BTN2A1: variants seen among roughly 807,000 people sequenced by gnomAD.
BTN2A1 encodes butyrophilin, subfamily 2, member A1.
BTN2A1 carries 41 observed loss-of-function variants against 34.5 expected under a neutral mutation model. The observed-to-expected ratio is 1.19, with a 90% CI of 0.93 to 1.54. The LOEUF (loss-of-function observed/expected upper bound fraction) is 1.54, where lower values mean the gene tolerates loss of function less well. Among genes scored for constraint, BTN2A1 ranks in the 40% most tolerant of loss-of-function variants. The probability of loss-of-function intolerance (pLI) is 0.00; values close to 1 mark genes in which losing one functional copy is unlikely to be tolerated. For synonymous variants in BTN2A1, 267 were observed against 258.6 expected (o/e 1.03, Z -0.31); for missense variants, 642 against 662.0 (o/e 0.97, Z 0.33).
At chr6:26,471,210 G>A (rs966569585), downstream of BTN2A1, among the ~76,000 whole-genome samples, 3 of 152,218 alleles carry the variant, frequency 2.0e-5, no homozygotes, top group Admixed American at 6.5e-5. Flanking sequence ...GGTTGTTTAT[G>A]TGCATGTTTT....
exon 8 of BTN2A1, chr6:26,476,148 T>G: frequency 6.5e-7 from 1 of 1,536,446 alleles, no homozygotes; most frequent in Non-Finnish European, 8.7e-7. Flanking sequence ...TATATATCAT[T>G]TACCAAACTT....
chr6:26,462,029 A>AATT (rs10692365), intron 3 of BTN2A1, among the ~76,000 whole-genome samples: 9 of 150,894 alleles, frequency 6.0e-5, no homozygotes, highest in South Asian at 2.1e-4. Flanking sequence ...AAAAAAAAAA[A>AATT]TTTTTTTTTA....
At position 26,468,247 on chromosome 6, in the gene BTN2A1, A is replaced by G; in HGVS notation, c.1282A>G (p.Lys428Glu). ...TGGCTTCTGGACCTTGGAGATGCAT[A>G]AAGGGCAATACCGGGCCGTGTCCTC... ...QNGFWTLEMH[K>E]GQYRAVSSPD... Residue 428 changes from lysine to glutamate, a missense_variant, in exon 8 of 8, where the codon AAA (lysine) becomes GAA (glutamate). By Grantham distance (56) the Lys-to-Glu change is moderately conservative (BLOSUM62 1). Coordinates refer to ENST00000312541, the MANE Select transcript of BTN2A1 (RefSeq NM_007049.5). 6.2e-7 allele frequency: 1 copy of G among 1,614,158 alleles called. No homozygotes were observed. Among genetic ancestry groups the G allele is most frequent in the Non-Finnish European group, 8.5e-7 (1 of 1,180,020 alleles).
intron 7 of BTN2A1, among the ~76,000 whole-genome samples, chr6:26,475,948 G>C (rs1183531012): frequency 6.6e-6 from 1 of 152,056 alleles, no homozygotes; most frequent in Admixed American, 6.6e-5. Flanking sequence ...GGAGGGAGGA[G>C]TCTATTTTTC....
rs748711588 is a variant in BTN2A1, at chr6:26,468,168, G to T, written c.1203G>T (p.Gly401=). 2.5e-6 allele frequency: 4 copies of T among 1,614,184 alleles called. No individual in the cohort carries two copies. The highest frequency in any genetic ancestry group is 3.4e-6 in the Non-Finnish European group (4 of 1,180,032). ...EVENVIEWTV[G]VCRDSVERKG... ...AAAACGTGATTGAGTGGACTGTGGG[G>T]GTCTGTAGAGACAGTGTTGAGAGGA... is the stretch of plus-strand genomic sequence containing the variant. The change falls in exon 8 of 8, where the codon GGG becomes GGT. Residue 401 remains glycine, a synonymous_variant. Transcript: ENST00000312541.
downstream of BTN2A1, among the ~76,000 whole-genome samples, chr6:26,471,010 G>A (rs1474114211): frequency 6.6e-6 from 1 of 152,180 alleles, no homozygotes; most frequent in African/African-American, 2.4e-5. Flanking sequence ...AAACGATCAG[G>A]CATCTAAAAT....
chr6:26,463,337 T>A lies in BTN2A1; in HGVS notation c.524T>A (p.Leu175His). ...CISRGWYPKP[L>H]TVWRDPYGGV... is the part of the protein sequence containing the mutation. ...TCTAGAGGGTGGTACCCAAAGCCCC[T>A]CACAGTGTGGAGGGACCCCTACGGT... Residue 175 changes from leucine (L) to histidine (H), a missense_variant, in exon 4 of 8, where the codon CTC (leucine) becomes CAC (histidine). By Grantham distance (99) the Leu-to-His change is moderately conservative. Coordinates refer to ENST00000312541, the MANE Select transcript of BTN2A1 (RefSeq NM_007049.5). 1.2e-6 allele frequency: 2 copies of A among 1,613,874 alleles called. No homozygotes were observed. Among genetic ancestry groups the A allele is most frequent in the Non-Finnish European group, 1.7e-6 (2 of 1,179,938 alleles).
chr6:26,475,401 G>T lies in BTN2A1; in HGVS notation c.983-721G>T, dbSNP rs547671234. 1.1e-3 allele frequency among the ~76,000 whole-genome samples: 172 copies of T among 152,228 alleles called. 4 individuals carry two copies. The South Asian group carries it at 0.031, about 27-fold the overall frequency. On this transcript the variant is annotated intron_variant, in intron 7 of 7. Transcript: ENST00000469185. ...TGCCTTAATCACCTTAACAGCAAAG[G>T]CTGAATTATTGTAAACAAAAGGAGT...
At chr6:26,475,100 G>A (rs1304987957) in intron 7 of BTN2A1, among the ~76,000 whole-genome samples, 1 of 152,192 alleles carries the variant, frequency 6.6e-6, no homozygotes, top group African/African-American at 2.4e-5. Context: ...TCCTGGTTAT[G>A]TTTAGGAACA....
intron 3 of BTN2A1, among the ~76,000 whole-genome samples, chr6:26,460,114 T>A (rs1379320019): frequency 6.6e-6 from 1 of 151,994 alleles, no homozygotes; most frequent in African/African-American, 2.4e-5. Context: ...AGAAGTCTTA[T>A]ACCTGCCTTA....
chr6:26,468,266 T>A lies in BTN2A1; in HGVS notation c.1301T>A (p.Val434Glu). ...ATGCATAAAGGGCAATACCGGGCCG[T>A]GTCCTCCCCTGATAGGATTCTCCCT... ...LEMHKGQYRA[V>E]SSPDRILPLK... is the part of the protein sequence containing the mutation. The change falls in exon 8 of 8, where the codon GTG becomes GAG. Residue 434 changes from valine (V) to glutamate (E), a missense_variant. Transcript: ENST00000312541. The A allele has an allele frequency of 6.2e-7, 1 of 1,614,224 alleles. No homozygotes were observed. The highest frequency in any genetic ancestry group is 8.5e-7 in the Non-Finnish European group (1 of 1,180,038).
At position 26,459,914 on chromosome 6, in the gene BTN2A1, C is replaced by G. The variant is rs1763117632; in HGVS notation, c.430+86C>G. On this transcript the variant is annotated intron_variant, in intron 3 of 7. Transcript: ENST00000312541. ...TCCTAACCTCAGGCCCATTGCAGACCAGCAAATTTTTGTCTGGACTCCCTT... is the reference window on the plus strand; with the variant it reads ...TCCTAACCTCAGGCCCATTGCAGACGAGCAAATTTTTGTCTGGACTCCCTT... 9 of 1,396,988 alleles carry G rather than the reference C, an allele frequency of 6.4e-6. No individual in the cohort carries two copies. The South Asian group carries it at 1.3e-4, about 20-fold the overall frequency. 86.5% of individuals were successfully genotyped at this position (1,396,988 alleles called of 1,614,324 possible).
At position 26,459,517 on chromosome 6, in the gene BTN2A1, T is replaced by C; in HGVS notation, c.119T>C (p.Leu40Ser). ...GTCGTGGGGCCCACTGATCCCATCT[T>C]GGCCACGGTTGGAGAAAACACTACG... ...FIVVGPTDPI[L>S]ATVGENTTLR... The change falls in exon 3 of 8, where the codon TTG becomes TCG. Residue 40 changes from leucine (L) to serine (S), a missense_variant. Physicochemically the swap from Leu to Ser is moderately radical, Grantham distance 145. Coordinates refer to ENST00000312541, the MANE Select transcript of BTN2A1 (RefSeq NM_007049.5). The C allele has an allele frequency of 6.2e-7, 1 of 1,613,986 alleles. No homozygotes were observed. The highest frequency in any genetic ancestry group is 8.5e-7 in the Non-Finnish European group (1 of 1,179,880).
chr6:26,472,641 C>G (rs1306705267), downstream of BTN2A1, among the ~76,000 whole-genome samples: 1 of 152,136 alleles, frequency 6.6e-6, no homozygotes, highest in Non-Finnish European at 1.5e-5. Flanking sequence ...AGCAACACCC[C>G]ACCCAAGCCT....
At position 26,462,971 on chromosome 6, in the gene BTN2A1, G is replaced by A; in HGVS notation, c.431-273G>A. 4 of 1,151,232 alleles carry A rather than the reference G, an allele frequency of 3.5e-6. No homozygotes were observed. In the African/African-American group the frequency reaches 6.3e-5, roughly 18 times the overall value. The allele number at this position is 1,151,232 out of a possible 1,614,324, so 71.3% of individuals were successfully genotyped here. ...ACAGATAGATGCTTGGTGCTGTGAT[G>A]GGGCCTATAGGTGGACCGCAAAGAA... On this transcript the variant is annotated intron_variant, in intron 3 of 7. Coordinates refer to ENST00000312541, the MANE Select transcript of BTN2A1 (RefSeq NM_007049.5).
rs1476682951 is a variant in BTN2A1, at chr6:26,468,708, A to G, written c.*159A>G. The G allele has an allele frequency of 6.2e-7, 1 of 1,612,956 alleles. No homozygotes were observed. The highest frequency in any genetic ancestry group is 8.5e-7 in the Non-Finnish European group (1 of 1,179,886). On this transcript the variant is annotated 3_prime_UTR_variant, in exon 8 of 8. Coordinates refer to ENST00000312541, the MANE Select transcript of BTN2A1 (RefSeq NM_007049.5). ...CACACCCACTACAGACCTCAGCCCC[A>G]GTTTTCTCCTCCTCACTAGGCTGTG... is the stretch of plus-strand genomic sequence containing the variant.
rs750498544 is a variant in BTN2A1 at position 26,463,505 on chromosome 6, AAAGT to A, written c.693_696del (p.Val233PhefsTer25). 65 of 1,613,944 alleles carry A rather than the reference AAAGT, an allele frequency of 4.0e-5. No individual in the cohort carries two copies. The highest frequency in any genetic ancestry group is 4.8e-5 in the Non-Finnish European group (57 of 1,179,854). The stretch of plus-strand genomic sequence containing the variant: ...AACACCCTGCTCGGCCAGAAGAAAG[AAAGT>A]GTCATTTTTATTCCAGGTTAGTTCT... On this transcript the variant is annotated frameshift_variant, in exon 4 of 8. Coordinates refer to ENST00000312541, the MANE Select transcript of BTN2A1 (RefSeq NM_007049.5). LOFTEE classifies it high-confidence loss of function.
At chr6:26,461,048 G>A (rs1050212780) in intron 3 of BTN2A1, among the ~76,000 whole-genome samples, 5 of 152,154 alleles carry the variant, frequency 3.3e-5, no homozygotes, top group African/African-American at 7.2e-5. Flanking sequence ...TTCCCTGGGG[G>A]CCTCAAATCA....
intron 3 of BTN2A1, chr6:26,462,820 T>C (rs758130325): frequency 2.7e-4 from 352 of 1,284,818 alleles, no homozygotes; most frequent in Non-Finnish European, 3.4e-4. Flanking sequence ...TGAGGTCTAC[T>C]GAGAAGTCGT....
Sources: allele counts gnomAD v4.1 joint callset (sites outside exome capture counted in the v4.1 genomes callset), GRCh38; gene constraint gnomAD v4.1.1; transcripts MANE v1.5; gene names NCBI Gene and HGNC (gene_info 2026-07-23, HGNC 2026-07-21).